The following ELF1 variants were observed in gnomAD, a reference collection of about 807,000 sequenced individuals.
ELF1 encodes ETS-related transcription factor Elf-1.
A neutral mutation model predicts 59.9 loss-of-function variants in ELF1; 24 were observed. The ratio of observed to expected loss-of-function variants is 0.40; its 90% CI spans 0.29 to 0.56. The LOEUF (loss-of-function observed/expected upper bound fraction) is 0.56, where lower values mean the gene tolerates loss of function less well. ELF1 is among the 20% of genes least tolerant of loss of function. The probability of loss-of-function intolerance (pLI) is 0.44; values close to 1 mark genes in which losing one functional copy is unlikely to be tolerated. For missense variants in ELF1, 627 were observed against 742.2 expected (o/e 0.84, Z 1.80); for synonymous variants, 248 against 266.2 (o/e 0.93, Z 0.67).
chr13:41,055,701 TAG>T (rs1396226411), intron 1 of ELF1, among the ~76,000 whole-genome samples: 1 of 152,114 alleles, frequency 6.6e-6, no homozygotes, highest in Non-Finnish European at 1.5e-5. Flanking sequence ...TTTTATTTTC[TAG>T]AGAGAGGGTC....
chr13:40,946,159 A>G (rs939708527), intron 5 of ELF1, among the ~76,000 whole-genome samples: 5 of 152,212 alleles, frequency 3.3e-5, no homozygotes, highest in African/African-American at 9.6e-5. Flanking sequence ...TCTTATTTCT[A>G]TAAATTCCAT....
intron 1 of ELF1, among the ~76,000 whole-genome samples, chr13:41,035,643 A>C (rs1176126529): frequency 1.3e-5 from 2 of 151,740 alleles, no homozygotes; most frequent in African/African-American, 4.8e-5. Flanking sequence ...CAGGGTCTAT[A>C]CCTCAACACC....
At position 40,949,805 on chromosome 13, in the gene ELF1, C is replaced by T. The variant is rs1205983635; in HGVS notation, c.529+1G>A. The T allele has an allele frequency of 1.2e-6, 2 of 1,613,622 alleles. No homozygotes were observed. The highest frequency in any genetic ancestry group is 1.7e-6 in the Non-Finnish European group (2 of 1,179,796). On this transcript the variant is annotated splice_donor_variant, in intron 5 of 8. Transcript: ENST00000239882. LOFTEE classifies it high-confidence loss of function. ...CGCCCTAAACAAAGTAACCCACCTA[C>T]CTTTTTTCCTCTTAGGCTGTTCTGG...
intron 2 of ELF1, among the ~76,000 whole-genome samples, chr13:40,976,842 G>C (rs995278525): frequency 6.6e-6 from 1 of 152,158 alleles, no homozygotes; most frequent in African/African-American, 2.4e-5. Context: ...ACTGCACCCG[G>C]CACTGTTACT....
chr13:40,970,084 A>G (rs559695467), intron 2 of ELF1, among the ~76,000 whole-genome samples: 1 of 152,360 alleles, frequency 6.6e-6, no homozygotes, highest in African/African-American at 2.4e-5. Flanking sequence ...AAATATTTCA[A>G]TGCATTAGCT....
intron 8 of ELF1, among the ~76,000 whole-genome samples, chr13:40,938,909 G>C (rs1256616297): frequency 6.6e-6 from 1 of 152,126 alleles, no homozygotes; most frequent in Admixed American, 6.6e-5. Context: ...TAGGTGGATA[G>C]TAAATAAGTG....
chr13:41,023,641 G>T (rs1480090322), upstream of ELF1, among the ~76,000 whole-genome samples: 1 of 152,154 alleles, frequency 6.6e-6, no homozygotes, highest in African/African-American at 2.4e-5. Flanking sequence ...TCTATCACTA[G>T]CTTTGTTAAA....
chr13:40,972,951 T>G (rs1872662414), intron 2 of ELF1, among the ~76,000 whole-genome samples: 2 of 152,138 alleles, frequency 1.3e-5, no homozygotes, highest in African/African-American at 4.8e-5. Flanking sequence ...ATGTGTGTGT[T>G]GAGGTAGGAA....
intron 1 of ELF1, among the ~76,000 whole-genome samples, chr13:40,997,796 T>A (rs776896553): frequency 5.3e-5 from 8 of 152,204 alleles, no homozygotes; most frequent in Non-Finnish European, 8.8e-5. Context: ...AGATTCTTCC[T>A]ACAATCATCT....
At chr13:41,004,116 A>G (rs1874614005) in intron 1 of ELF1, among the ~76,000 whole-genome samples, 1 of 152,170 alleles carries the variant, frequency 6.6e-6, no homozygotes. Context: ...AAAAATAAAG[A>G]TAAATAAGAT....
At chr13:40,979,858 G>A (rs1198461915) in intron 2 of ELF1, among the ~76,000 whole-genome samples, 1 of 152,190 alleles carries the variant, frequency 6.6e-6, no homozygotes, top group African/African-American at 2.4e-5. Context: ...TAAGGGTGAA[G>A]AGAGATTTTT....
At chr13:41,019,029 A>G (rs537881195) in intron 1 of ELF1, among the ~76,000 whole-genome samples, 199 bp downstream of exon 1, 1 of 152,360 alleles carries the variant, frequency 6.6e-6, no homozygotes, top group East Asian at 1.9e-4. Flanking sequence ...TTTAGCAAGA[A>G]GATCTAAAAC....
chr13:41,054,809 C>T (rs1173409613), intron 1 of ELF1, among the ~76,000 whole-genome samples: 2 of 152,158 alleles, frequency 1.3e-5, no homozygotes, highest in African/African-American at 4.8e-5. Context: ...CATAATCCTT[C>T]CATCCACCAG....
intron 1 of ELF1, chr13:41,060,808 G>A (rs565747997): frequency 1.4e-5 from 3 of 207,050 alleles, no homozygotes; most frequent in African/African-American, 2.3e-5. Flanking sequence ...GACCATATGG[G>A]AAGTGCTATG....
chr13:41,020,832 T>C (rs955863331), upstream of ELF1, among the ~76,000 whole-genome samples: 1 of 152,166 alleles, frequency 6.6e-6, no homozygotes, highest in Non-Finnish European at 1.5e-5. Context: ...AAATTTATTT[T>C]AGATAACATG....
intron 1 of ELF1, chr13:40,992,922 T>C: frequency 1.4e-6 from 1 of 697,900 alleles, no homozygotes; most frequent in South Asian, 1.7e-5. Context: ...TCTTCATATA[T>C]CATTCTAGCC....
At chr13:40,985,592 C>T (rs1873510042) in intron 1 of ELF1, among the ~76,000 whole-genome samples, 1 of 152,178 alleles carries the variant, frequency 6.6e-6, no homozygotes, top group Non-Finnish European at 1.5e-5. Context: ...TCTCTAGGTT[C>T]AGCTTCTGAG....
intron 1 of ELF1, among the ~76,000 whole-genome samples, chr13:41,054,903 T>C (rs746308775): frequency 1.3e-5 from 2 of 152,252 alleles, no homozygotes; most frequent in Non-Finnish European, 2.9e-5. Context: ...CTAAACTCCT[T>C]AGCTCCAAAT....
intron 1 of ELF1, among the ~76,000 whole-genome samples, chr13:41,051,571 C>T (rs755781805): frequency 4.0e-5 from 6 of 151,882 alleles, no homozygotes; most frequent in African/African-American, 1.2e-4. Context: ...CACCTGAAAA[C>T]GGATAAAAAA....
Sources: allele counts gnomAD v4.1 joint callset (sites outside exome capture counted in the v4.1 genomes callset), GRCh38; gene constraint gnomAD v4.1.1; transcripts MANE v1.5; gene names NCBI Gene and HGNC (gene_info 2026-07-23, HGNC 2026-07-21).